The following PCDHGA12 variants were observed in gnomAD, a reference collection of about 807,000 sequenced individuals.
The protein encoded by PCDHGA12 is protocadherin gamma-A12.
PCDHGA12 carries 43 observed loss-of-function variants against 61.1 expected under a neutral mutation model. The observed-to-expected ratio is 0.70, with a 90% CI of 0.55 to 0.91. The LOEUF is 0.91. PCDHGA12 is among the 40% of genes least tolerant of loss of function. The pLI, the probability that PCDHGA12 is intolerant of heterozygous loss-of-function variation, is 0.00. For missense variants in PCDHGA12, 1,236 were observed against 1,227.7 expected (o/e 1.01, Z -0.10); for synonymous variants, 520 against 542.9 (o/e 0.96, Z 0.59).
At chr5:141,475,553 TTGTC>T (rs2099365287) in intron 1 of PCDHGA12, among the ~76,000 whole-genome samples, 2 of 152,260 alleles carry the variant, frequency 1.3e-5, no homozygotes, top group Non-Finnish European at 2.9e-5. Context: ...GTCCGGCTAA[TTGTC>T]TGTCTTCCAA....
chr5:141,486,163 G>A lies in PCDHGA12; in HGVS notation c.2425-8644G>A. 2.5e-6 allele frequency: 4 copies of A among 1,614,212 alleles called. No individual in the cohort carries two copies. Among genetic ancestry groups the A allele is most frequent in the Non-Finnish European group, 3.4e-6 (4 of 1,180,034 alleles). The stretch of plus-strand genomic sequence containing the variant: ...CTCGCGATGGGGGTTCTCCAGCCAT[G>A]GAGCAACATTGCAGCCTTCGAGTGG... On this transcript the variant is annotated intron_variant, in intron 1 of 3. Transcript: ENST00000252085. This position sits in a 1 kb window ranked among gnomAD's most constrained non-coding sequence, Gnocchi z 5.0.
Position 141,489,629 on chromosome 5 carries a change from C to T in PCDHGA12, c.2425-5178C>T. Reference sequence around the variant, plus strand: ...GAGATCCTGGATCTCAATGACAACTCTCCTAGCTTTGCCACCCCTGAGCGA... The same window carrying T: ...GAGATCCTGGATCTCAATGACAACTTTCCTAGCTTTGCCACCCCTGAGCGA... On this transcript the variant is annotated intron_variant, in intron 1 of 3. Transcript: ENST00000252085. This position sits in a 1 kb window ranked among gnomAD's most constrained non-coding sequence, Gnocchi z 4.5. 6.2e-7 allele frequency: 1 copy of T among 1,614,142 alleles called. No homozygotes were observed. The highest frequency in any genetic ancestry group is 1.7e-5 in the Admixed American group (1 of 60,032).
At chr5:141,481,216 G>T (rs2099534005) in intron 1 of PCDHGA12, among the ~76,000 whole-genome samples, 3 of 152,110 alleles carry the variant, frequency 2.0e-5, no homozygotes, top group Admixed American at 6.5e-5. Flanking sequence ...ACATGGTAAG[G>T]TCTCCCAGCC....
chr5:141,505,182 C>T (rs1302018549), intron 2 of PCDHGA12, among the ~76,000 whole-genome samples: 2 of 152,094 alleles, frequency 1.3e-5, no homozygotes, highest in East Asian at 3.9e-4. Context: ...AAAAAAGCAT[C>T]GGAGGCAGCA....
chr5:141,449,944 T>C (rs1375717746), intron 1 of PCDHGA12, among the ~76,000 whole-genome samples: 1 of 151,744 alleles, frequency 6.6e-6, no homozygotes, highest in Non-Finnish European at 1.5e-5. Flanking sequence ...TATATTTTAC[T>C]ATACCTCATA....
chr5:141,470,748 A>C (rs1163686396), intron 1 of PCDHGA12, among the ~76,000 whole-genome samples: 1 of 152,106 alleles, frequency 6.6e-6, no homozygotes. Flanking sequence ...CCCTGGCTGG[A>C]GTGCAGTGGA....
At chr5:141,470,227 C>A (rs1387947362) in intron 1 of PCDHGA12, among the ~76,000 whole-genome samples, 1 of 152,160 alleles carries the variant, frequency 6.6e-6, no homozygotes, top group Non-Finnish European at 1.5e-5. Flanking sequence ...AGCTTCTTCA[C>A]CAAACCCTTG....
intron 2 of PCDHGA12, among the ~76,000 whole-genome samples, chr5:141,497,293 C>T (rs1270907262): frequency 6.6e-6 from 1 of 152,136 alleles, no homozygotes. Flanking sequence ...TACCTACCAC[C>T]ACCCCAGGCC....
chr5:141,511,241 C>A lies in PCDHGA12; in HGVS notation c.*68C>A. On this transcript the variant is annotated 3_prime_UTR_variant, in exon 4 of 4. Coordinates refer to ENST00000252085, the MANE Select transcript of PCDHGA12 (RefSeq NM_003735.3). ...CCAGCCCAGCTTCTCCTTACCTGCA[C>A]CCAGGCCTCAGAGTTTCAGGGCTAA... 1 of 1,585,212 alleles carries A rather than the reference C, an allele frequency of 6.3e-7. No individual in the cohort carries two copies. The highest frequency in any genetic ancestry group is 8.6e-7 in the Non-Finnish European group (1 of 1,165,762).
At chr5:141,492,404 T>C (rs944864208) in intron 1 of PCDHGA12, among the ~76,000 whole-genome samples, 9 of 152,316 alleles carry the variant, frequency 5.9e-5, no homozygotes, top group African/African-American at 1.9e-4. Context: ...GCAGCTCCCC[T>C]CTGCCGCTCC....
Position 141,432,108 on chromosome 5 carries a change from C to T in PCDHGA12, c.1349C>T (p.Pro450Leu), listed in dbSNP as rs1432933024. The T allele has an allele frequency of 1.9e-6, 3 of 1,614,180 alleles. No homozygotes were observed. The highest frequency in any genetic ancestry group is 1.7e-5 in the Admixed American group (1 of 60,020). Reference sequence around the variant, plus strand: ...GTGGCAGACACCAACGACAACCCGCCGGTCTTCCCTCAGGCCTCCTATTCC... The same window carrying T: ...GTGGCAGACACCAACGACAACCCGCTGGTCTTCCCTCAGGCCTCCTATTCC... The part of the protein sequence containing the change: ...LNVADTNDNP[P>L]VFPQASYSAY... The change falls in exon 1 of 4, where the codon CCG becomes CTG. Residue 450 changes from proline (P) to leucine (L), a missense_variant. Pro to Leu is a moderately conservative substitution (Grantham distance 98). Coordinates refer to ENST00000252085, the MANE Select transcript of PCDHGA12 (RefSeq NM_003735.3). The surrounding 1 kb of genome is among the most constrained non-coding windows in gnomAD (Gnocchi z 6.0).
At position 141,493,332 on chromosome 5, in the gene PCDHGA12, C is replaced by T. The variant is rs2099747680; in HGVS notation, c.2425-1475C>T. 6.6e-6 allele frequency among the ~76,000 whole-genome samples: 1 copy of T among 152,210 alleles called. No homozygotes were observed. The highest frequency in any genetic ancestry group is 1.5e-5 in the Non-Finnish European group (1 of 68,036). Reference sequence around the variant, plus strand: ...AAGAGAGATTCTAACCCCTGTCTAACTCCAGAATGTGTGCTTTTAATTTCT... The same window carrying T: ...AAGAGAGATTCTAACCCCTGTCTAATTCCAGAATGTGTGCTTTTAATTTCT... On this transcript the variant is annotated intron_variant, in intron 1 of 3. Transcript: ENST00000252085. This position sits in a 1 kb window ranked among gnomAD's most constrained non-coding sequence, Gnocchi z 4.3.
At position 141,511,187 on chromosome 5, in the gene PCDHGA12, C is replaced by T; in HGVS notation, c.*14C>T. The stretch of plus-strand genomic sequence containing the variant: ...GAGAAGAAGTAACATGGAGGCCAGG[C>T]CAAGAGCCACAGGGCGGCCTCTCCC... On this transcript the variant is annotated 3_prime_UTR_variant, in exon 4 of 4. Transcript: ENST00000252085. The T allele has an allele frequency of 1.2e-6, 2 of 1,613,868 alleles. No homozygotes were observed. The highest frequency in any genetic ancestry group is 1.7e-6 in the Non-Finnish European group (2 of 1,179,878).
In PCDHGA12 at chr5:141,433,060, C is replaced by T; in HGVS notation, c.2301C>T (p.His767=). The part of the protein sequence containing the change: ...VSLTTDSRKS[H]LIFPQPNYAD... Reference sequence around the variant, plus strand: ...TCACCACGGACTCGCGGAAGAGTCACCTGATCTTCCCCCAGCCCAACTATG... The same window carrying T: ...TCACCACGGACTCGCGGAAGAGTCATCTGATCTTCCCCCAGCCCAACTATG... The change falls in exon 1 of 4, where the codon CAC becomes CAT. Residue 767 remains histidine (H), a synonymous_variant. Transcript: ENST00000252085. The T allele has an allele frequency of 6.2e-7, 1 of 1,614,198 alleles. No homozygotes were observed. Among genetic ancestry groups the T allele is most frequent in the Non-Finnish European group, 8.5e-7 (1 of 1,180,034 alleles).
In PCDHGA12 at chr5:141,432,011, TACA is replaced by T. The variant is rs1296391274; in HGVS notation, c.1256_1258del (p.Asn419del). 2 of 1,614,202 alleles carry T rather than the reference TACA, an allele frequency of 1.2e-6. No homozygotes were observed. Among genetic ancestry groups the T allele is most frequent in the South Asian group, 2.2e-5 (2 of 91,084 alleles). On this transcript the variant is annotated inframe_deletion, in exon 1 of 4. Transcript: ENST00000252085. This position sits in a 1 kb window ranked among gnomAD's most constrained non-coding sequence, Gnocchi z 6.0. The stretch of plus-strand genomic sequence containing the variant: ...CTTGGATAGGGAACAGGTTCCTAGC[TACA>T]ACATCACAGTGACCGCCACTGACCG...
At chr5:141,462,144 G>A (rs984269848) in intron 1 of PCDHGA12, among the ~76,000 whole-genome samples, 1 of 152,042 alleles carries the variant, frequency 6.6e-6, no homozygotes, top group South Asian at 2.1e-4. Context: ...ATTTTTAGTA[G>A]AGATGGGGTT....
chr5:141,511,793 G>A lies in PCDHGA12; in HGVS notation c.*620G>A, dbSNP rs2099883948. The stretch of plus-strand genomic sequence containing the variant: ...TACTGATGCTTGCTGGATTTAGGGA[G>A]GGCATTTTGCTACCAAGCCTCTTCC... On this transcript the variant is annotated 3_prime_UTR_variant, in exon 4 of 4. Coordinates refer to ENST00000252085, the MANE Select transcript of PCDHGA12 (RefSeq NM_003735.3). 6.4e-6 allele frequency: 1 copy of A among 157,066 alleles called. No homozygotes were observed. The highest frequency in any genetic ancestry group is 2.4e-5 in the African/African-American group (1 of 41,492). 9.7% of individuals were successfully genotyped at this position (157,066 alleles called of 1,614,324 possible). A position where few individuals can be genotyped will look rare whatever the true frequency, so the allele number is the denominator to read the frequency against.
At position 141,476,359 on chromosome 5, in the gene PCDHGA12, G is replaced by A; in HGVS notation, c.2425-18448G>A. On this transcript the variant is annotated intron_variant, in intron 1 of 3. Coordinates refer to ENST00000252085, the MANE Select transcript of PCDHGA12 (RefSeq NM_003735.3). This position sits in a 1 kb window ranked among gnomAD's most constrained non-coding sequence, Gnocchi z 7.6. ...GCCGAAGATTCTTTGAGGTGAACCG[G>A]GAGACCGGAGAGATGTTTGTGAACG... The A allele has an allele frequency of 6.2e-7, 1 of 1,614,170 alleles. No individual in the cohort carries two copies. The highest frequency in any genetic ancestry group is 8.5e-7 in the Non-Finnish European group (1 of 1,180,020).
Position 141,511,313 on chromosome 5 carries a change from C to T in PCDHGA12, c.*140C>T. ...CCAAGGCCATGCTCCCCTTGGGAAA[C>T]AGAAACAAGTGCCCAGTCAGCACCT... On this transcript the variant is annotated 3_prime_UTR_variant, in exon 4 of 4. Transcript: ENST00000252085. 2 of 1,482,944 alleles carry T rather than the reference C, an allele frequency of 1.3e-6. No homozygotes were observed. The highest frequency in any genetic ancestry group is 2.3e-5 in the Admixed American group (1 of 43,596). 91.9% of individuals were successfully genotyped at this position (1,482,944 alleles called of 1,614,324 possible).
Sources: allele counts gnomAD v4.1 joint callset (sites outside exome capture counted in the v4.1 genomes callset), GRCh38; gene constraint gnomAD v4.1.1; non-coding constraint Gnocchi (gnomAD v3.1); transcripts MANE v1.5; gene names NCBI Gene and HGNC (gene_info 2026-07-23, HGNC 2026-07-21).